Variants in DACH1 observed in about 807,000 individuals in gnomAD.
DACH1 encodes the protein dachshund family transcription factor 1.
DACH1 carries 12 observed loss-of-function variants against 54.2 expected under a neutral mutation model. That is an observed-to-expected ratio of 0.22 (90% CI 0.14 to 0.36). The LOEUF is 0.36. Ranked by LOEUF, DACH1 falls within the 10% of genes least tolerant of loss-of-function variation. DACH1 has a pLI of 1.00. For synonymous variants in DACH1, 386 were observed against 366.2 expected (o/e 1.05, Z -0.62); for missense variants, 805 against 929.8 (o/e 0.87, Z 1.75).
intron 1 of DACH1, among the ~76,000 whole-genome samples, chr13:71,706,306 T>C (rs1882441360): frequency 6.6e-6 from 1 of 151,850 alleles, no homozygotes; most frequent in Non-Finnish European, 1.5e-5. Flanking sequence ...CTTTCATCCA[T>C]TTAAGAACTT....
intron 3 of DACH1, among the ~76,000 whole-genome samples, chr13:71,621,131 C>G (rs760858587): frequency 1.3e-5 from 2 of 151,950 alleles, no homozygotes; most frequent in Non-Finnish European, 2.9e-5. Flanking sequence ...CAAACACACA[C>G]ACACACTTCT....
intron 1 of DACH1, among the ~76,000 whole-genome samples, chr13:71,802,788 G>A (rs1182492632): frequency 6.6e-6 from 1 of 151,944 alleles, no homozygotes; most frequent in Non-Finnish European, 1.5e-5. Flanking sequence ...AATGCAAAAC[G>A]ACTGTAGTGA....
chr13:71,481,709 T>C (rs572962941), intron 7 of DACH1, among the ~76,000 whole-genome samples: 41 of 152,204 alleles, frequency 2.7e-4, no homozygotes, highest in Non-Finnish European at 4.6e-4. Flanking sequence ...AAAAGTATGT[T>C]ACCGCCAGTG....
At chr13:71,646,500 GA>G (rs1878283087) in intron 2 of DACH1, among the ~76,000 whole-genome samples, 1 of 152,080 alleles carries the variant, frequency 6.6e-6, no homozygotes. Context: ...AAAACATGAA[GA>G]ATTTCAGAAG....
At chr13:71,799,182 T>C (rs1594236404) in intron 1 of DACH1, among the ~76,000 whole-genome samples, 1 of 152,168 alleles carries the variant, frequency 6.6e-6, no homozygotes, top group Non-Finnish European at 1.5e-5. Flanking sequence ...AAGTGTTTAT[T>C]TGTACATTCA....
intron 1 of DACH1, among the ~76,000 whole-genome samples, chr13:71,843,064 T>G (rs1224337478): frequency 6.6e-6 from 1 of 152,210 alleles, no homozygotes; most frequent in Non-Finnish European, 1.5e-5. Flanking sequence ...CTGCATTATC[T>G]GAATGTTATT....
intron 10 of DACH1, among the ~76,000 whole-genome samples, chr13:71,444,570 C>A (rs1431694469): frequency 6.6e-6 from 1 of 152,074 alleles, no homozygotes; most frequent in Admixed American, 6.6e-5. Flanking sequence ...CACTGTGGAA[C>A]TCTTAAGTCT....
chr13:71,726,247 G>A (rs537831340), intron 1 of DACH1, among the ~76,000 whole-genome samples: 24 of 152,206 alleles, frequency 1.6e-4, no homozygotes, highest in African/African-American at 5.5e-4. Flanking sequence ...AGGGGAAAAT[G>A]TGAATTTTCC....
chr13:71,700,278 C>T (rs1370422183), intron 1 of DACH1, among the ~76,000 whole-genome samples: 1 of 152,038 alleles, frequency 6.6e-6, no homozygotes, highest in African/African-American at 2.4e-5. Context: ...AGCAAGCTGG[C>T]CAGGCATGGT....
chr13:71,678,045 T>C (rs974001910), intron 2 of DACH1, among the ~76,000 whole-genome samples: 1 of 152,202 alleles, frequency 6.6e-6, no homozygotes, highest in East Asian at 1.9e-4. Context: ...TAAATTTGTC[T>C]AAATTAATCC....
At chr13:71,463,816 T>G (rs1190719309) in intron 10 of DACH1, among the ~76,000 whole-genome samples, 9 of 151,998 alleles carry the variant, frequency 5.9e-5, no homozygotes, top group Admixed American at 5.9e-4. Flanking sequence ...TTATGTCTTT[T>G]TAACTTCCAG....
intron 1 of DACH1, among the ~76,000 whole-genome samples, chr13:71,813,079 A>G (rs1887780838): frequency 6.6e-6 from 1 of 152,212 alleles, no homozygotes; most frequent in African/African-American, 2.4e-5. Context: ...ACATATTAAC[A>G]ATGGTCTAAC....
At chr13:71,727,282 C>T (rs190183126) in intron 1 of DACH1, among the ~76,000 whole-genome samples, 2 of 152,190 alleles carry the variant, frequency 1.3e-5, no homozygotes. Context: ...CTTGGAGCTG[C>T]CTGCTACCCT....
intron 3 of DACH1, among the ~76,000 whole-genome samples, chr13:71,599,201 T>C (rs905786069): frequency 2.0e-5 from 3 of 152,176 alleles, no homozygotes; most frequent in African/African-American, 7.2e-5. Flanking sequence ...AACAGAATGA[T>C]GGGACTGCAC....
intron 6 of DACH1, among the ~76,000 whole-genome samples, chr13:71,501,229 C>T (rs1367024021): frequency 6.6e-6 from 1 of 152,142 alleles, no homozygotes; most frequent in Non-Finnish European, 1.5e-5. Context: ...GACTGTGTAA[C>T]ACGAGGCTGC....
chr13:71,619,261 G>GTACACAT (rs1876023232), intron 3 of DACH1, among the ~76,000 whole-genome samples: 1 of 151,880 alleles, frequency 6.6e-6, no homozygotes. Context: ...CCTCATGTAT[G>GTACACAT]TGTAACAAAC....
chr13:71,449,294 C>G (rs1874785872), intron 10 of DACH1, among the ~76,000 whole-genome samples: 2 of 151,940 alleles, frequency 1.3e-5, no homozygotes, highest in South Asian at 4.1e-4. Context: ...CCACTGCACT[C>G]CAGCCTGGGC....
At chr13:71,833,230 G>A (rs1337715543) in intron 1 of DACH1, among the ~76,000 whole-genome samples, 1 of 151,954 alleles carries the variant, frequency 6.6e-6, no homozygotes, top group Non-Finnish European at 1.5e-5. Flanking sequence ...GACCCACTGA[G>A]GGATGGGTTC....
At chr13:71,565,727 A>T (rs1435140481) in intron 4 of DACH1, among the ~76,000 whole-genome samples, 1 of 152,158 alleles carries the variant, frequency 6.6e-6, no homozygotes, top group East Asian at 1.9e-4. Context: ...TTTTCTAAAC[A>T]TGAAACTGGC....
Sources: allele counts gnomAD v4.1 joint callset (sites outside exome capture counted in the v4.1 genomes callset), GRCh38; gene constraint gnomAD v4.1.1; transcripts MANE v1.5; gene names NCBI Gene and HGNC (gene_info 2026-07-23, HGNC 2026-07-21).